Variants in HSPA4 observed in about 807,000 individuals in gnomAD.
HSPA4 encodes the protein heat shock protein family A (Hsp70) member 4, also known as heat shock 70 kDa protein 4.
Under a neutral mutation model 106.2 loss-of-function variants are expected in HSPA4, and 25 were observed. The ratio of observed to expected loss-of-function variants is 0.24; its 90% CI spans 0.17 to 0.33. The LOEUF is 0.33. Ranked by LOEUF, HSPA4 falls within the 10% of genes least tolerant of loss-of-function variation. HSPA4 has a pLI of 1.00. For synonymous variants in HSPA4, 332 were observed against 333.6 expected (o/e 1.00, Z 0.05); for missense variants, 841 against 996.0 (o/e 0.84, Z 2.10).
At chr5:133,068,705 A>G (rs1488422027) in intron 3 of HSPA4, among the ~76,000 whole-genome samples, 3 of 152,216 alleles carry the variant, frequency 2.0e-5, no homozygotes, top group Non-Finnish European at 4.4e-5. Context: ...GCTGAAGCAC[A>G]GGAGAGAGAA....
At chr5:133,082,851 A>G (rs1169321503) in intron 7 of HSPA4, among the ~76,000 whole-genome samples, 2 of 151,952 alleles carry the variant, frequency 1.3e-5, no homozygotes, top group African/African-American at 2.4e-5. Context: ...AAAAACCTCT[A>G]CTGTCCAGGC....
chr5:133,081,939 A>G (rs1765518654), intron 7 of HSPA4, among the ~76,000 whole-genome samples: 1 of 152,222 alleles, frequency 6.6e-6, no homozygotes, highest in African/African-American at 2.4e-5. Flanking sequence ...TATTCAAGAG[A>G]AATGGAAACA....
At chr5:133,067,046 T>C (rs62375211) in intron 2 of HSPA4, among the ~76,000 whole-genome samples, 33,817 of 152,142 alleles carry the variant, frequency 0.22, 3,893 homozygotes, top group South Asian at 0.26. Context: ...TATGTATTGC[T>C]GAGTTGGTTC....
intron 4 of HSPA4, 25 bp from the exon 5 acceptor site, chr5:133,073,205 T>C (rs761976870): frequency 7.1e-7 from 1 of 1,414,240 alleles, no homozygotes; most frequent in South Asian, 1.2e-5. Flanking sequence ...TATAATACAG[T>C]AAGCATTCTT....
At chr5:133,086,889 G>C (rs149095661) in intron 8 of HSPA4, 31 bp downstream of exon 8, 4 of 1,461,574 alleles carry the variant, frequency 2.7e-6, no homozygotes, top group Non-Finnish European at 3.8e-6. Flanking sequence ...ATTTGTTTGC[G>C]TATCTCAGAC....
chr5:133,067,339 G>A, intron 2 of HSPA4, 78 bp from the exon 3 acceptor site: 1 of 1,229,372 alleles, frequency 8.1e-7, no homozygotes, highest in Non-Finnish European at 1.2e-6. Context: ...TTAAAATGTT[G>A]CTAATTTAAT....
chr5:133,102,342 C>A (rs529491709), intron 17 of HSPA4, among the ~76,000 whole-genome samples: 2 of 152,240 alleles, frequency 1.3e-5, no homozygotes, highest in African/African-American at 4.8e-5. Flanking sequence ...TGTTTTATAG[C>A]GTCTTAATAA....
At chr5:133,055,663 A>G (rs536736868) in intron 1 of HSPA4, among the ~76,000 whole-genome samples, 4 of 152,292 alleles carry the variant, frequency 2.6e-5, no homozygotes, top group African/African-American at 9.6e-5. Context: ...CATTATGGAC[A>G]TGGCTGGTGG....
chr5:133,097,090 A>G, intron 14 of HSPA4, 71 bp from the exon 15 acceptor site: 1 of 1,259,180 alleles, frequency 7.9e-7, no homozygotes, highest in South Asian at 1.4e-5. Flanking sequence ...CTCTACTTTT[A>G]TAATTATATT....
chr5:133,077,231 C>CT (rs2126704325), intron 7 of HSPA4, among the ~76,000 whole-genome samples: 1 of 152,188 alleles, frequency 6.6e-6, no homozygotes, highest in African/African-American at 2.4e-5. Context: ...TACCCAGTGA[C>CT]TAAGAAATTG....
chr5:133,083,181 G>A (rs951257260), intron 7 of HSPA4, among the ~76,000 whole-genome samples: 1 of 150,052 alleles, frequency 6.7e-6, no homozygotes, highest in East Asian at 2.0e-4. Context: ...GCTTGGTGGC[G>A]TGCACCTGCA....
chr5:133,067,591 A>G, intron 3 of HSPA4, 34 bp downstream of exon 3: 1 of 1,524,030 alleles, frequency 6.6e-7, no homozygotes. Context: ...TTTAATTAAA[A>G]TGCATTATTA....
In HSPA4 at chr5:133,106,398, CATG is replaced by C. The variant is rs1194357751; in HGVS notation, c.*1964_*1966del. 2 of 151,540 alleles carry C rather than the reference CATG, an allele frequency of 1.3e-5. No individual in the cohort carries two copies. The highest frequency in any genetic ancestry group is 2.9e-5 in the Non-Finnish European group (2 of 67,938). 9.4% of individuals were successfully genotyped at this position (151,540 alleles called of 1,614,324 possible). ...TACACTAAGAAAATCATTCAGTAAA[CATG>C]AGACAAGTTTAGGAAAAACTAATAA... On this transcript the variant is annotated 3_prime_UTR_variant, in exon 19 of 19. Transcript: ENST00000304858.
intron 7 of HSPA4, among the ~76,000 whole-genome samples, chr5:133,080,959 A>G (rs1046385437): frequency 2.0e-5 from 3 of 152,182 alleles, no homozygotes; most frequent in African/African-American, 7.2e-5. Flanking sequence ...TATCACCCCA[A>G]AAAGAAAACT....
At chr5:133,096,297 T>C in intron 14 of HSPA4, 47 bp downstream of exon 14, 1 of 1,545,286 alleles carries the variant, frequency 6.5e-7, no homozygotes, top group Non-Finnish European at 8.9e-7. Flanking sequence ...AAATTAATGT[T>C]ACCATAGTAT....
At chr5:133,056,943 A>C (rs1208974914) in intron 1 of HSPA4, among the ~76,000 whole-genome samples, 1 of 152,174 alleles carries the variant, frequency 6.6e-6, no homozygotes, top group Non-Finnish European at 1.5e-5. Flanking sequence ...AATACTGCCA[A>C]AGTATTTGCT....
chr5:133,105,434 C>CT lies in HSPA4; in HGVS notation c.*999dup, dbSNP rs1251891682. 6.6e-6 allele frequency: 1 copy of CT among 152,166 alleles called. No homozygotes were observed. Among genetic ancestry groups the CT allele is most frequent in the Non-Finnish European group, 1.5e-5 (1 of 68,048 alleles). The allele number at this position is 152,166 out of a possible 1,614,324, so 9.4% of individuals were successfully genotyped here. A position where few individuals can be genotyped will look rare whatever the true frequency, so the allele number is the denominator to read the frequency against. On this transcript the variant is annotated 3_prime_UTR_variant, in exon 19 of 19. Coordinates refer to ENST00000304858, the MANE Select transcript of HSPA4 (RefSeq NM_002154.4). ...CAGCTGACAGATGATGCAAAAAAAACTAAGATACACTGGATTGTACTGGAT... is the reference window on the plus strand; with the variant it reads ...CAGCTGACAGATGATGCAAAAAAAACTTAAGATACACTGGATTGTACTGGAT...
chr5:133,079,300 T>C (rs1033591004), intron 7 of HSPA4, among the ~76,000 whole-genome samples: 3 of 152,192 alleles, frequency 2.0e-5, no homozygotes, highest in African/African-American at 7.2e-5. Context: ...ATTTCCTGTT[T>C]CCCCTTACCT....
intron 13 of HSPA4, among the ~76,000 whole-genome samples, chr5:133,093,083 G>T (rs576446983): frequency 6.7e-6 from 1 of 149,238 alleles, no homozygotes; most frequent in Admixed American, 6.8e-5. Flanking sequence ...CACCTGTCTT[G>T]TCCTCCCAAA....
Sources: allele counts gnomAD v4.1 joint callset (sites outside exome capture counted in the v4.1 genomes callset), GRCh38; gene constraint gnomAD v4.1.1; transcripts MANE v1.5; gene names NCBI Gene and HGNC (gene_info 2026-07-23, HGNC 2026-07-21).